Variants in CLYBL observed in about 807,000 individuals in gnomAD.
CLYBL encodes the protein citramalyl-CoA lyase, mitochondrial.
Under a neutral mutation model 38.9 loss-of-function variants are expected in CLYBL, and 31 were observed. The observed-to-expected ratio is 0.80, with a 90% CI of 0.60 to 1.08. The LOEUF (loss-of-function observed/expected upper bound fraction) is 1.08, where lower values mean the gene tolerates loss of function less well. CLYBL is among the 50% of genes least tolerant of loss of function. The probability of loss-of-function intolerance (pLI) is 0.00; values close to 1 mark genes in which losing one functional copy is unlikely to be tolerated. For missense variants in CLYBL, 434 were observed against 411.6 expected (o/e 1.05, Z -0.47); for synonymous variants, 171 against 158.6 (o/e 1.08, Z -0.59).
At chr13:99,694,644 C>T (rs1026868637) in intron 1 of CLYBL, among the ~76,000 whole-genome samples, 3 of 152,142 alleles carry the variant, frequency 2.0e-5, no homozygotes, top group African/African-American at 7.2e-5. Flanking sequence ...CCGCTTGCTT[C>T]ATTAATTAAC....
chr13:99,861,921 T>C (rs2051613748), intron 3 of CLYBL, among the ~76,000 whole-genome samples: 1 of 152,234 alleles, frequency 6.6e-6, no homozygotes, highest in South Asian at 2.1e-4. Flanking sequence ...ATGCTAAGCC[T>C]TAAGCATTAG....
chr13:99,634,875 C>T (rs1470956273), intron 1 of CLYBL, among the ~76,000 whole-genome samples: 2 of 152,166 alleles, frequency 1.3e-5, no homozygotes, highest in Non-Finnish European at 2.9e-5. Context: ...GGTATCAGAT[C>T]GCGCTCTCTG....
rs552939625 is a variant in CLYBL, at chr13:99,702,258, A to G, written c.63-70566A>G. Among the ~76,000 whole-genome samples the G allele has an allele frequency of 3.3e-5, 5 of 152,248 alleles. No individual in the cohort carries two copies. In the East Asian group the frequency reaches 9.7e-4, roughly 29 times the overall value. ...CAAAATGCTAAGGTGCTGGGATCAC[A>G]GGTATGCGCCACTCCGCTCAGCCCA... On this transcript the variant is annotated intron_variant, in intron 1 of 8. Transcript: ENST00000339105.
At chr13:99,863,393 A>G (rs969501632) in intron 4 of CLYBL, among the ~76,000 whole-genome samples, 18 of 152,366 alleles carry the variant, frequency 1.2e-4, no homozygotes, top group Non-Finnish European at 2.5e-4. Flanking sequence ...GCTTTGAATT[A>G]TTGCATTTAT....
chr13:99,838,317 G>T (rs1343624655), intron 2 of CLYBL, among the ~76,000 whole-genome samples: 1 of 152,148 alleles, frequency 6.6e-6, no homozygotes, highest in Admixed American at 6.5e-5. Flanking sequence ...AGTAACAAAA[G>T]TGAGTATCTC....
At chr13:99,758,700 T>G (rs1416704413) in intron 1 of CLYBL, among the ~76,000 whole-genome samples, 2 of 152,164 alleles carry the variant, frequency 1.3e-5, no homozygotes, top group African/African-American at 4.8e-5. Flanking sequence ...ACAGCCCCCC[T>G]CCAGACCACA....
At chr13:99,835,924 C>T (rs1017716015) in intron 2 of CLYBL, among the ~76,000 whole-genome samples, 4 of 152,118 alleles carry the variant, frequency 2.6e-5, no homozygotes, top group African/African-American at 7.2e-5. Context: ...GTGAGCTGAC[C>T]GCCCAGGGGC....
chr13:99,792,760 A>G (rs1455167474), intron 2 of CLYBL, among the ~76,000 whole-genome samples: 3 of 152,016 alleles, frequency 2.0e-5, no homozygotes, highest in African/African-American at 7.2e-5. Flanking sequence ...CTCTTCCCCA[A>G]ACAGAAATTC....
chr13:99,630,705 C>T (rs941160032), intron 1 of CLYBL, among the ~76,000 whole-genome samples: 2 of 152,120 alleles, frequency 1.3e-5, no homozygotes, highest in African/African-American at 4.8e-5. Context: ...TATTGTTGAT[C>T]TTAACCCCAG....
intron 1 of CLYBL, among the ~76,000 whole-genome samples, chr13:99,733,940 A>G (rs1417110387): frequency 6.6e-6 from 1 of 152,222 alleles, no homozygotes; most frequent in Non-Finnish European, 1.5e-5. Context: ...TAAGGAAAGA[A>G]GAAAGTTCTA....
intron 1 of CLYBL, among the ~76,000 whole-genome samples, chr13:99,711,098 G>A (rs1485782367): frequency 2.6e-5 from 4 of 151,892 alleles, no homozygotes; most frequent in Admixed American, 1.3e-4. Context: ...GGCTAGTCTT[G>A]AGCTCCTGGC....
intron 1 of CLYBL, among the ~76,000 whole-genome samples, chr13:99,628,637 A>G (rs2046902017): frequency 6.6e-6 from 1 of 152,244 alleles, no homozygotes; most frequent in Non-Finnish European, 1.5e-5. Context: ...TGTCATTTAT[A>G]AGCATAGAGA....
intron 2 of CLYBL, among the ~76,000 whole-genome samples, chr13:99,841,787 C>CTTTCT (rs200326267): frequency 1.4e-5 from 2 of 145,070 alleles, no homozygotes; most frequent in South Asian, 2.2e-4. Context: ...TATTTTTTTT[C>CTTTCT]TTTCTTTTCT....
intron 1 of CLYBL, among the ~76,000 whole-genome samples, chr13:99,745,015 T>A (rs1051763715): frequency 3.9e-5 from 6 of 152,188 alleles, no homozygotes; most frequent in African/African-American, 1.4e-4. Context: ...TCACCCAACA[T>A]ACTTCCCCAG....
At chr13:99,649,793 A>C (rs1030392003) in intron 1 of CLYBL, among the ~76,000 whole-genome samples, 1 of 151,970 alleles carries the variant, frequency 6.6e-6, no homozygotes, top group African/African-American at 2.4e-5. Context: ...TGAGCCCAGA[A>C]GTTGGAGTCT....
intron 2 of CLYBL, among the ~76,000 whole-genome samples, chr13:99,777,793 T>G (rs12876701): frequency 6.6e-6 from 1 of 152,240 alleles, no homozygotes; most frequent in Admixed American, 6.5e-5. Flanking sequence ...GAATTTTCTG[T>G]TACAAGTGCT....
intron 1 of CLYBL, among the ~76,000 whole-genome samples, chr13:99,663,510 C>T (rs572507234): frequency 6.6e-6 from 1 of 152,182 alleles, no homozygotes; most frequent in East Asian, 1.9e-4. Context: ...TCACCAAGCC[C>T]TTTTTTGGTG....
intron 1 of CLYBL, among the ~76,000 whole-genome samples, chr13:99,666,253 C>T (rs947245533): frequency 6.6e-6 from 1 of 152,102 alleles, no homozygotes; most frequent in Non-Finnish European, 1.5e-5. Flanking sequence ...TGGAGGTGAA[C>T]ACTGACATCG....
chr13:99,885,639 G>A (rs1028054291), intron 7 of CLYBL, among the ~76,000 whole-genome samples: 6 of 152,028 alleles, frequency 3.9e-5, no homozygotes, highest in Non-Finnish European at 8.8e-5. Flanking sequence ...CTTTGGAGCC[G>A]GGAAGCCTCA....
Sources: gnomAD v4.1 joint callset for allele counts (sites outside exome capture counted in the v4.1 genomes callset) on GRCh38, gnomAD v4.1.1 for gene constraint, MANE v1.5 for transcripts, NCBI Gene and HGNC (gene_info 2026-07-23, HGNC 2026-07-21) for gene names.